Variants in TMPRSS9 observed in about 807,000 individuals in gnomAD.
TMPRSS9 encodes the protein transmembrane serine protease 9, also known as transmembrane protease serine 9.
In TMPRSS9, 113 loss-of-function variants were observed where a neutral mutation model predicts 111.4. The observed-to-expected ratio is 1.01, with a 90% CI of 0.87 to 1.19. The LOEUF is 1.19. Among genes scored for constraint, TMPRSS9 ranks in the 50% most tolerant of loss-of-function variants. The pLI is 0.00. For missense variants in TMPRSS9, 1,803 were observed against 1,513.1 expected (o/e 1.19, Z -3.18); for synonymous variants, 805 against 659.1 (o/e 1.22, Z -3.39).
exon 8 of TMPRSS9, chr19:2,408,624 G>A (rs745527629): frequency 1.2e-6 from 2 of 1,610,292 alleles, no homozygotes. Context: ...CCTCAAGGAG[G>A]ACTTCCGTAA....
chr19:2,401,905 G>T, intron 4 of TMPRSS9, 70 bp from the exon 6 acceptor site: 1 of 1,462,282 alleles, frequency 6.8e-7, no homozygotes, highest in Non-Finnish European at 9.3e-7. Context: ...ACCGCGCCCG[G>T]CCAATAGGAT....
chr19:2,378,747 T>A (rs1419319954), intron 1 of TMPRSS9, among the ~76,000 whole-genome samples: 1 of 152,106 alleles, frequency 6.6e-6, no homozygotes, highest in African/African-American at 2.4e-5. Context: ...ACTAGGTAAT[T>A]TATAAAAGAA....
chr19:2,376,616 C>A (rs1047043082), intron 1 of TMPRSS9, among the ~76,000 whole-genome samples: 10 of 152,100 alleles, frequency 6.6e-5, no homozygotes, highest in Non-Finnish European at 1.3e-4. Context: ...TGTGCCCCCA[C>A]GCCCGGCTAA....
intron 10 of TMPRSS9, 24 bp from the exon 12 acceptor site, chr19:2,415,646 C>T: frequency 6.4e-7 from 1 of 1,551,758 alleles, no homozygotes. Context: ...GATCCCCAGA[C>T]CTGGTCTTGT....
intron 1 of TMPRSS9, among the ~76,000 whole-genome samples, chr19:2,373,323 C>T (rs761956982): frequency 2.0e-5 from 3 of 151,820 alleles, no homozygotes; most frequent in Non-Finnish European, 4.4e-5. Context: ...CTCTGCCTCC[C>T]GGGTTCAAGT....
chr19:2,412,657 A>ACTTCCTCTCGTCAGT (rs1328588320), intron 9 of TMPRSS9, among the ~76,000 whole-genome samples: 2 of 152,040 alleles, frequency 1.3e-5, no homozygotes, highest in Non-Finnish European at 2.9e-5. Context: ...CTGGGCTGCC[A>ACTTCCTCTCGTCAGT]CTTCCTCTGT....
At chr19:2,379,675 T>TTCTTTC (rs748307720) in intron 1 of TMPRSS9, among the ~76,000 whole-genome samples, 5 of 144,498 alleles carry the variant, frequency 3.5e-5, no homozygotes, top group Non-Finnish European at 7.5e-5. Flanking sequence ...CTTTCTTTCT[T>TTCTTTC]TCTCTTTTTC....
chr19:2,403,148 G>A, exon 6 of TMPRSS9: 2 of 1,612,572 alleles, frequency 1.2e-6, no homozygotes, highest in Non-Finnish European at 1.7e-6. Context: ...AACCCGGAGT[G>A]TGACGACCAG....
chr19:2,392,315 C>CCCAG (rs1235239943), intron 1 of TMPRSS9, among the ~76,000 whole-genome samples: 1 of 152,098 alleles, frequency 6.6e-6, no homozygotes. Flanking sequence ...ATTGCTTGAG[C>CCCAG]CCAGGAGTTG....
At chr19:2,385,317 G>T (rs1446827203), upstream of TMPRSS9, among the ~76,000 whole-genome samples, 1 of 152,112 alleles carries the variant, frequency 6.6e-6, no homozygotes, top group African/African-American at 2.4e-5. Context: ...ATCCCTCAGG[G>T]GCCGACAGCT....
At position 2,390,106 on chromosome 19, in the gene TMPRSS9, G is replaced by C. The variant is rs78104646; in HGVS notation, c.142+179G>C. 4.3e-3 allele frequency among the ~76,000 whole-genome samples: 655 copies of C among 152,146 alleles called. 6 individuals carry two copies. The highest frequency in any genetic ancestry group is 0.015 in the African/African-American group (626 of 41,500). On this transcript the variant is annotated intron_variant, in intron 1 of 17. Coordinates refer to ENST00000648592, the Ensembl canonical transcript of TMPRSS9. ...GGGAGTGGAGCAGATGAGTTCCTAC[G>C]TGTGTCAGTTTTCCCGACTAAAGAA...
rs202104945 is a variant in TMPRSS9 at position 2,363,803 on chromosome 19, TGC to T, written c.-26+3445_-26+3446del. ...CTCTGTGTGTGAGTGTGTGTGTGTG[TGC>T]GTGCGCGCGTGTGTGTGTGAGAGAG... is the stretch of plus-strand genomic sequence containing the variant. On this transcript the variant is annotated intron_variant, in intron 1 of 17. Coordinates refer to the TMPRSS9 transcript ENST00000649857. Among the ~76,000 whole-genome samples the T allele has an allele frequency of 3.2e-3, 370 of 116,558 alleles. 2 individuals are homozygous for T. Among genetic ancestry groups the T allele is most frequent in the African/African-American group, 7.6e-3 (227 of 29,954 alleles). The allele number at this position is 116,558 out of a possible 152,430, so 76.5% of individuals were successfully genotyped here.
intron 1 of TMPRSS9, among the ~76,000 whole-genome samples, chr19:2,394,145 C>G (rs1568176970): frequency 6.6e-6 from 1 of 151,928 alleles, no homozygotes; most frequent in East Asian, 1.9e-4. Flanking sequence ...AGAGGTTGCA[C>G]TGAGCCAAGA....
At chr19:2,365,696 G>A (rs997662210) in intron 1 of TMPRSS9, among the ~76,000 whole-genome samples, 3 of 152,148 alleles carry the variant, frequency 2.0e-5, no homozygotes, top group African/African-American at 7.2e-5. Flanking sequence ...GGGGCATGAT[G>A]GTGCAGGCTT....
upstream of TMPRSS9, among the ~76,000 whole-genome samples, chr19:2,387,844 A>T (rs1276684974): frequency 6.6e-6 from 1 of 152,034 alleles, no homozygotes; most frequent in Non-Finnish European, 1.5e-5. Flanking sequence ...TGTCGCAGGG[A>T]TGATGTAATC....
intron 1 of TMPRSS9, among the ~76,000 whole-genome samples, chr19:2,362,839 TGTGTGTGGTTGTG>T (rs922143216): frequency 2.0e-5 from 3 of 151,480 alleles, no homozygotes; most frequent in South Asian, 2.1e-4. Flanking sequence ...TTTGTGAGGG[TGTGTGTGGTTGTG>T]GTGTGTGGTT....
chr19:2,386,853 G>A (rs1189002805), upstream of TMPRSS9, among the ~76,000 whole-genome samples: 2 of 151,990 alleles, frequency 1.3e-5, no homozygotes, highest in South Asian at 2.1e-4. Context: ...TTAGCCAGGT[G>A]TGATGGCACA....
intron 9 of TMPRSS9, 91 bp from the exon 11 acceptor site, chr19:2,413,609 C>T (rs1183568439): frequency 7.0e-7 from 1 of 1,422,320 alleles, no homozygotes; most frequent in East Asian, 2.3e-5. Flanking sequence ...TCCTGGCTGT[C>T]CCAGCTCAGA....
chr19:2,401,088 C>A (rs1333690717), intron 4 of TMPRSS9, among the ~76,000 whole-genome samples: 1 of 150,594 alleles, frequency 6.6e-6, no homozygotes, highest in Non-Finnish European at 1.5e-5. Flanking sequence ...TCCTGGCTAA[C>A]ACGGTGAAAC....
Sources: allele counts gnomAD v4.1 joint callset (sites outside exome capture counted in the v4.1 genomes callset), GRCh38; gene constraint gnomAD v4.1.1; transcripts MANE v1.5; gene names NCBI Gene and HGNC (gene_info 2026-07-23, HGNC 2026-07-21).